The following ARHGEF12 variants were observed in gnomAD, a reference collection of about 807,000 sequenced individuals.
ARHGEF12 encodes Rho guanine nucleotide exchange factor 12.
ARHGEF12 carries 66 observed loss-of-function variants against 211.2 expected under a neutral mutation model. The observed-to-expected ratio is 0.31, with a 90% CI of 0.26 to 0.38. The LOEUF (loss-of-function observed/expected upper bound fraction) is 0.38, where lower values mean the gene tolerates loss of function less well. Among genes scored for constraint, ARHGEF12 ranks in the 10% least tolerant of loss-of-function variants. ARHGEF12 has a pLI of 1.00. For synonymous variants in ARHGEF12, 592 were observed against 638.4 expected, an observed-to-expected ratio of 0.93 and a Z score of 1.09; for missense variants, 1,429 against 1,869.5, an observed-to-expected ratio of 0.76 and a Z score of 4.34.
intron 32 of ARHGEF12, 101 bp from the exon 33 acceptor site, chr11:120,475,239 G>C: frequency 8.9e-7 from 1 of 1,128,046 alleles, no homozygotes; most frequent in Non-Finnish European, 1.2e-6. Context: ...AAATTTTGTA[G>C]CTTTAACAGA....
At chr11:120,430,111 GATAT>G (rs942689963) in intron 10 of ARHGEF12, among the ~76,000 whole-genome samples, 3 of 151,116 alleles carry the variant, frequency 2.0e-5, no homozygotes, top group African/African-American at 7.3e-5. Flanking sequence ...AATGTATTTA[GATAT>G]ATATATATAT....
chr11:120,475,798 G>T (rs577419619), intron 33 of ARHGEF12, among the ~76,000 whole-genome samples: 2 of 152,180 alleles, frequency 1.3e-5, no homozygotes, highest in East Asian at 3.9e-4. Context: ...TTTCATTTAG[G>T]GTGGTATGTT....
intron 28 of ARHGEF12, among the ~76,000 whole-genome samples, chr11:120,466,646 G>C (rs1011136805): frequency 6.6e-6 from 1 of 152,224 alleles, no homozygotes; most frequent in Non-Finnish European, 1.5e-5. Context: ...TTACTACACA[G>C]AGCCTTGTTC....
intron 1 of ARHGEF12, among the ~76,000 whole-genome samples, chr11:120,338,599 TA>T (rs1441635896): frequency 6.6e-6 from 1 of 152,254 alleles, no homozygotes; most frequent in African/African-American, 2.4e-5. Context: ...TGACAATGCT[TA>T]TCTTACTTTC....
At chr11:120,340,503 G>A (rs7932658) in intron 1 of ARHGEF12, among the ~76,000 whole-genome samples, 62,791 of 151,812 alleles carry the variant, frequency 0.41, 13,198 homozygotes, top group South Asian at 0.47. Flanking sequence ...GATTTTTAAA[G>A]TGAGTGTGGA....
intron 11 of ARHGEF12, among the ~76,000 whole-genome samples, chr11:120,436,627 C>T (rs1945701292): frequency 6.6e-6 from 1 of 152,146 alleles, no homozygotes; most frequent in African/African-American, 2.4e-5. Context: ...ACTGAATATG[C>T]ACAGACTTTT....
intron 30 of ARHGEF12, among the ~76,000 whole-genome samples, chr11:120,469,670 C>T (rs1385804566): frequency 2.0e-5 from 3 of 152,234 alleles, no homozygotes; most frequent in African/African-American, 7.2e-5. Context: ...GCATAGGGTA[C>T]AGAGTAGTTG....
At chr11:120,353,222 T>C (rs966248065) in intron 1 of ARHGEF12, among the ~76,000 whole-genome samples, 3 of 152,214 alleles carry the variant, frequency 2.0e-5, no homozygotes, top group Non-Finnish European at 2.9e-5. Flanking sequence ...ATCTTAGAAC[T>C]TGAGGTCTGT....
intron 4 of ARHGEF12, among the ~76,000 whole-genome samples, chr11:120,416,792 C>T (rs1591563504): frequency 6.6e-6 from 1 of 152,054 alleles, no homozygotes; most frequent in African/African-American, 2.4e-5. Context: ...CCTGGGACTA[C>T]AGGCACGCGC....
In ARHGEF12 at chr11:120,424,383, C is replaced by T; in HGVS notation, c.374C>T (p.Ser125Leu). 6.2e-7 allele frequency: 1 copy of T among 1,613,506 alleles called. No homozygotes were observed. The highest frequency in any genetic ancestry group is 1.1e-5 in the South Asian group (1 of 90,964). ...IKVNGTLVTH[S>L]NHLEVVKLIK... ...GTGAATGGAACTCTGGTGACTCATT[C>T]AAATCATCTGGAGGTGGTGAAGCTA... is the stretch of plus-strand genomic sequence containing the variant. The change falls in exon 7 of 41, where the codon TCA becomes TTA. Residue 125 changes from serine (S) to leucine (L), a missense_variant. Ser to Leu is a moderately radical substitution (Grantham distance 145). Coordinates refer to ENST00000397843, the MANE Select transcript of ARHGEF12 (RefSeq NM_015313.3).
At chr11:120,476,625 C>A in intron 33 of ARHGEF12, 36 bp from the exon 34 acceptor site, 2 of 1,546,738 alleles carry the variant, frequency 1.3e-6, no homozygotes, top group South Asian at 1.2e-5. Flanking sequence ...CTCCCCAGGT[C>A]ATAGTATTAG....
At chr11:120,356,847 A>G (rs764739424) in intron 1 of ARHGEF12, among the ~76,000 whole-genome samples, 25 of 152,182 alleles carry the variant, frequency 1.6e-4, no homozygotes, top group Admixed American at 8.5e-4. Context: ...TTGACTAAAA[A>G]TTATGTGCTA....
intron 4 of ARHGEF12, chr11:120,411,696 C>T (rs917425131): frequency 6.9e-6 from 1 of 143,934 alleles, no homozygotes; most frequent in Non-Finnish European, 1.5e-5. Context: ...CTCAAGTGAT[C>T]CTCCTACCTA....
At position 120,442,129 on chromosome 11, in the gene ARHGEF12, A is replaced by G. The variant is rs758523995; in HGVS notation, c.1229A>G (p.Tyr410Cys). 5 of 1,610,020 alleles carry G rather than the reference A, an allele frequency of 3.1e-6. No homozygotes were observed. In the African/African-American group the frequency reaches 4.0e-5, roughly 13 times the overall value. Residue 410 changes from tyrosine to cysteine, a missense_variant, in exon 15 of 41, where the codon TAT (tyrosine) becomes TGT (cysteine). Physicochemically the swap from Tyr to Cys is radical, Grantham distance 194 (BLOSUM62 -2). Transcript: ENST00000397843. Reference sequence around the variant, plus strand: ...CTCTGTTATCTCTATTCAGACCTGTATAAACATACCAATTCCAAAGAAACT... The same window carrying G: ...CTCTGTTATCTCTATTCAGACCTGTGTAAACATACCAATTCCAAAGAAACT... ...TLLCYLYSDL[Y>C]KHTNSKETRR...
At chr11:120,461,623 C>G (rs926409796) in intron 27 of ARHGEF12, among the ~76,000 whole-genome samples, 5 of 152,158 alleles carry the variant, frequency 3.3e-5, no homozygotes, top group Non-Finnish European at 7.4e-5. Flanking sequence ...ATTGATTTCT[C>G]CTCTCTAGCT....
chr11:120,440,372 A>G, intron 13 of ARHGEF12, 151 bp downstream of exon 13: 1 of 617,874 alleles, frequency 1.6e-6, no homozygotes, highest in Non-Finnish European at 2.7e-6. Context: ...TTAATTGCTT[A>G]TTTTAGCTTT....
chr11:120,392,025 A>G (rs2135501577), intron 1 of ARHGEF12, among the ~76,000 whole-genome samples: 1 of 152,314 alleles, frequency 6.6e-6, no homozygotes, highest in Non-Finnish European at 1.5e-5. Context: ...CCATTATATT[A>G]TGAATAAACT....
At chr11:120,387,316 A>T (rs1944068059) in intron 1 of ARHGEF12, among the ~76,000 whole-genome samples, 1 of 152,024 alleles carries the variant, frequency 6.6e-6, no homozygotes, top group South Asian at 2.1e-4. Flanking sequence ...ATTTATTAAG[A>T]TTATTACTGT....
At chr11:120,381,095 C>T (rs992835185) in intron 1 of ARHGEF12, among the ~76,000 whole-genome samples, 14 of 152,118 alleles carry the variant, frequency 9.2e-5, no homozygotes, top group African/African-American at 3.4e-4. Context: ...ATTTAGGAAC[C>T]AAAATGTAGT....
Sources: gnomAD v4.1 joint callset for allele counts (sites outside exome capture counted in the v4.1 genomes callset) on GRCh38, gnomAD v4.1.1 for gene constraint, MANE v1.5 for transcripts, NCBI Gene and HGNC (gene_info 2026-07-23, HGNC 2026-07-21) for gene names.